Variants in TCEA3 observed in about 807,000 individuals in gnomAD.
TCEA3 encodes the protein transcription elongation factor A3.
In TCEA3, 36 loss-of-function variants were observed where a neutral mutation model predicts 44.0. That is an observed-to-expected ratio of 0.82 (90% CI 0.63 to 1.08). The LOEUF (loss-of-function observed/expected upper bound fraction) is 1.08, where lower values mean the gene tolerates loss of function less well. Among genes scored for constraint, TCEA3 ranks in the 50% least tolerant of loss-of-function variants. The pLI is 0.00. For synonymous variants in TCEA3, 162 were observed against 159.7 expected (o/e 1.01, Z -0.11); for missense variants, 392 against 441.2 (o/e 0.89, Z 1.00).
At chr1:23,384,249 C>T in intron 10 of TCEA3, 97 bp downstream of exon 10, 1 of 1,603,240 alleles carries the variant, frequency 6.2e-7, no homozygotes, top group Non-Finnish European at 8.5e-7. Flanking sequence ...CAAGTGCTGC[C>T]ATGCACAAGG....
intron 9 of TCEA3, among the ~76,000 whole-genome samples, chr1:23,386,921 C>T (rs1241969995): frequency 1.3e-5 from 2 of 152,126 alleles, no homozygotes; most frequent in Non-Finnish European, 2.9e-5. Context: ...GGGGTTTCAC[C>T]GTGTTTGCCA....
At position 23,381,258 on chromosome 1, in the gene TCEA3, A is replaced by G. The variant is rs1360095751; in HGVS notation, c.*208T>C. On this transcript the variant is annotated 3_prime_UTR_variant, in exon 11 of 11. Coordinates refer to ENST00000450454, the MANE Select transcript of TCEA3 (RefSeq NM_003196.3). ...AGGTTCATCAATACAAATTCTCAGC[A>G]TCATTCTCCAATTAGGCTCCCCCAT... is the stretch of plus-strand genomic sequence containing the variant. 5.1e-6 allele frequency: 3 copies of G among 591,100 alleles called. No individual in the cohort carries two copies. Among genetic ancestry groups the G allele is most frequent in the Non-Finnish European group, 6.1e-6 (2 of 326,742 alleles). 36.6% of individuals were successfully genotyped at this position (591,100 alleles called of 1,614,324 possible). A position where few individuals can be genotyped will look rare whatever the true frequency, so the allele number is the denominator to read the frequency against.
chr1:23,399,144 G>GTGTATATA lies in TCEA3; in HGVS notation c.444-1190_444-1189insTATATACA, dbSNP rs751608613. Among the ~76,000 whole-genome samples the GTGTATATA allele has an allele frequency of 5.7e-3, 350 of 61,052 alleles. 4 individuals carry two copies. Among genetic ancestry groups the GTGTATATA allele is most frequent in the African/African-American group, 0.016 (274 of 17,408 alleles). The allele number at this position is 61,052 out of a possible 152,430, so 40.1% of individuals were successfully genotyped here. ...GTTTTGTTTATATATATGTATATAT[G>GTGTATATA]TATATATATATATATATATATATAT... On this transcript the variant is annotated intron_variant, in intron 5 of 10. Transcript: ENST00000450454.
chr1:23,423,776 C>T (rs1345745095), intron 1 of TCEA3: 6 of 455,920 alleles, frequency 1.3e-5, no homozygotes, highest in Non-Finnish European at 2.6e-5. Context: ...GCAAAGATCA[C>T]GGGGAAGATC....
rs978122133 is a variant in TCEA3, at chr1:23,393,930, G to A, written c.768C>T (p.Asn256=). Residue 256 remains asparagine, a synonymous_variant, in exon 8 of 11, where the codon AAC becomes AAT. Coordinates refer to ENST00000450454, the MANE Select transcript of TCEA3 (RefSeq NM_003196.3). ...KDPRNPGLRR[N]VLSGAISAGL... is the part of the protein sequence containing the mutation. Reference sequence around the variant, plus strand: ...CTGCGGAGATGGCCCCACTGAGCACGTTCCGCCGCAGGCCGGGGTTCCTGG... The same window carrying A: ...CTGCGGAGATGGCCCCACTGAGCACATTCCGCCGCAGGCCGGGGTTCCTGG... 9.3e-6 allele frequency: 15 copies of A among 1,613,836 alleles called. No homozygotes were observed. Among genetic ancestry groups the A allele is most frequent in the African/African-American group, 1.3e-5 (1 of 74,954 alleles).
In TCEA3 at chr1:23,399,277, C is replaced by T. The variant is rs555290766; in HGVS notation, c.444-1322G>A. On this transcript the variant is annotated intron_variant, in intron 5 of 10. Coordinates refer to ENST00000450454, the MANE Select transcript of TCEA3 (RefSeq NM_003196.3). ...GCTTCACTAGCAGAAATTTATTTCT[C>T]ATGGTTCTGGAGGCTGGGAAGCCCA... Among the ~76,000 whole-genome samples, 3 of 151,166 alleles carry T rather than the reference C, an allele frequency of 2.0e-5. No individual in the cohort carries two copies. The South Asian group carries it at 6.3e-4, about 32-fold the overall frequency.
chr1:23,387,494 C>T (rs905922333), intron 8 of TCEA3, 75 bp from the exon 9 acceptor site: 4 of 1,473,626 alleles, frequency 2.7e-6, no homozygotes, highest in African/African-American at 1.4e-5. Flanking sequence ...TTCTAGAAAG[C>T]CTGAACAGAA....
rs532639443 is a variant in TCEA3 at position 23,417,786 on chromosome 1, C to G, written c.238+118G>C. 399 of 907,816 alleles carry G rather than the reference C, an allele frequency of 4.4e-4. 2 individuals are homozygous for G. Among genetic ancestry groups the G allele is most frequent in the Non-Finnish European group, 6.5e-5 (38 of 587,760 alleles). The allele number at this position is 907,816 out of a possible 1,614,324, so 56.2% of individuals were successfully genotyped here. A position where few individuals can be genotyped will look rare whatever the true frequency, so the allele number is the denominator to read the frequency against. On this transcript the variant is annotated intron_variant, in intron 3 of 10. Transcript: ENST00000450454. ...GCTACCTCCCGGATCCAGAGGCCAT[C>G]TGTCACTGATTAAGTCACTCAACAG...
chr1:23,404,040 C>G, intron 5 of TCEA3: 1 of 686,300 alleles, frequency 1.5e-6, no homozygotes, highest in Non-Finnish European at 2.7e-6. Flanking sequence ...TGTGCCCGCA[C>G]CGCACCAGTC....
intron 1 of TCEA3, among the ~76,000 whole-genome samples, chr1:23,420,170 C>T (rs1640014652): frequency 6.6e-6 from 1 of 152,218 alleles, no homozygotes; most frequent in Admixed American, 6.5e-5. Flanking sequence ...TTTGGAGACT[C>T]ATCCATGTTG....
chr1:23,403,915 C>A (rs1378927180), intron 5 of TCEA3: 2 of 554,076 alleles, frequency 3.6e-6, no homozygotes, highest in Non-Finnish European at 6.5e-6. Flanking sequence ...TTCAGGCAGC[C>A]ACACTCATTT....
intron 10 of TCEA3, chr1:23,383,775 G>A (rs1638740367): frequency 1.0e-6 from 1 of 985,818 alleles, no homozygotes; most frequent in African/African-American, 1.7e-5. Context: ...CACTCTGGGA[G>A]GAGTCTTTGT....
intron 8 of TCEA3, among the ~76,000 whole-genome samples, chr1:23,393,516 G>A (rs1021759796): frequency 3.9e-5 from 6 of 152,004 alleles, no homozygotes; most frequent in African/African-American, 1.2e-4. Flanking sequence ...ACAACCTAGC[G>A]CTGGGGCCAG....
intron 4 of TCEA3, among the ~76,000 whole-genome samples, chr1:23,415,749 A>G (rs1320304227): frequency 6.6e-6 from 1 of 152,252 alleles, no homozygotes; most frequent in African/African-American, 2.4e-5. Flanking sequence ...GTGAAAAGTT[A>G]GATGCCAATT....
intron 1 of TCEA3, chr1:23,423,916 C>T (rs1640138043): frequency 2.2e-6 from 1 of 453,608 alleles, no homozygotes. Flanking sequence ...GCCTCCAGCC[C>T]GGCCCCCTTC....
chr1:23,424,610 C>G lies in TCEA3; in HGVS notation c.24G>C (p.Leu8=). Residue 8 remains leucine, a synonymous_variant, in exon 1 of 11, where the codon CTG becomes CTC. Transcript: ENST00000450454. ...TCTTCTCCAGCTTTTTGGCGATCCT[C>G]AGCAGCTCCTCTTCCTGGCCCATGT... MGQEEEL[L]RIAKKLEKMV... is the part of the protein sequence containing the mutation. 1.9e-6 allele frequency: 3 copies of G among 1,608,636 alleles called. No homozygotes were observed. Among genetic ancestry groups the G allele is most frequent in the Non-Finnish European group, 2.5e-6 (3 of 1,179,118 alleles).
chr1:23,407,024 C>A (rs974770960), intron 5 of TCEA3, among the ~76,000 whole-genome samples: 1 of 152,218 alleles, frequency 6.6e-6, no homozygotes, highest in Non-Finnish European at 1.5e-5. Flanking sequence ...GACTAACACA[C>A]GCCTCAAATC....
chr1:23,415,014 CTTTTTTTTTTTT>C (rs59946326), intron 4 of TCEA3, among the ~76,000 whole-genome samples: 14 of 43,114 alleles, frequency 3.2e-4, no homozygotes, highest in African/African-American at 2.5e-4. Flanking sequence ...CTTTACTGTT[CTTTTTTTTTTTT>C]TTTTTTTTTT....
Position 23,397,931 on chromosome 1 carries a change from C to T in TCEA3, c.468G>A (p.Ala156=), listed in dbSNP as rs374133913. 397 of 1,613,678 alleles carry T rather than the reference C, an allele frequency of 2.5e-4. 1 individual carries two copies. The highest frequency in any genetic ancestry group is 2.9e-4 in the Non-Finnish European group (347 of 1,179,808). Residue 156 remains alanine, a synonymous_variant, in exon 6 of 11, where the codon GCG becomes GCA. Coordinates refer to ENST00000450454, the MANE Select transcript of TCEA3 (RefSeq NM_003196.3). ...GGCTGCTAGGTGTTTTGGGGCTCTCCGCTTTTGATTTGCTGCTGTTTGATC... is the reference window on the plus strand; with the variant it reads ...GGCTGCTAGGTGTTTTGGGGCTCTCTGCTTTTGATTTGCTGCTGTTTGATC... ...VERSNSSKSK[A]ESPKTPSSPL...
Sources: allele counts gnomAD v4.1 joint callset (sites outside exome capture counted in the v4.1 genomes callset), GRCh38; gene constraint gnomAD v4.1.1; transcripts MANE v1.5; gene names NCBI Gene and HGNC (gene_info 2026-07-23, HGNC 2026-07-21).